GABPB1: variants seen among roughly 807,000 people sequenced by gnomAD.
GABPB1 encodes the protein GA binding protein transcription factor subunit beta 1, also known as GA-binding protein subunit beta-1.
In GABPB1, 15 loss-of-function variants were observed where a neutral mutation model predicts 45.9. That is an observed-to-expected ratio of 0.33 (90% confidence interval 0.22 to 0.50). The LOEUF (loss-of-function observed/expected upper bound fraction) is 0.50. Ranked by LOEUF, GABPB1 falls within the 20% of genes least tolerant of loss-of-function variation. The probability of loss-of-function intolerance (pLI) is 0.98; values close to 1 mark genes in which losing one functional copy is unlikely to be tolerated. For synonymous variants in GABPB1, 143 were observed against 154.4 expected (o/e 0.93, Z 0.55); for missense variants, 252 against 457.5 (o/e 0.55, Z 4.10).
Position 50,277,679 on chromosome 15 carries a change from A to C in GABPB1, c.*953T>G, listed in dbSNP as rs2045862301. On this transcript the variant is annotated 3_prime_UTR_variant, in exon 9 of 9. Transcript: ENST00000380877. ...GAGAAATAAGTCCATAAAATATTTCAGAAACCCATATGCATTGGGTTTTCC... is the reference window on the plus strand; with the variant it reads ...GAGAAATAAGTCCATAAAATATTTCCGAAACCCATATGCATTGGGTTTTCC... The C allele has an allele frequency of 6.6e-6, 1 of 152,666 alleles. No individual in the cohort carries two copies. The highest frequency in any genetic ancestry group is 2.4e-5 in the African/African-American group (1 of 41,472). The allele number at this position is 152,666 out of a possible 1,614,324, so 9.5% of individuals were successfully genotyped here.
At chr15:50,341,464 T>C (rs937736320) in intron 1 of GABPB1, among the ~76,000 whole-genome samples, 41 of 150,930 alleles carry the variant, frequency 2.7e-4, no homozygotes, top group African/African-American at 9.8e-4. Context: ...ACCTGGGAGG[T>C]GAAGGTTGCA....
intron 8 of GABPB1, among the ~76,000 whole-genome samples, chr15:50,280,748 AAAAAAAG>A (rs1366767652): frequency 1.3e-5 from 2 of 152,176 alleles, no homozygotes; most frequent in Admixed American, 1.3e-4. Flanking sequence ...TCAAAAGAAA[AAAAAAAG>A]AAAAAAGAGA....
chr15:50,286,920 G>A (rs1387411101), intron 7 of GABPB1, among the ~76,000 whole-genome samples: 1 of 152,066 alleles, frequency 6.6e-6, no homozygotes, highest in South Asian at 2.1e-4. Flanking sequence ...TCACAATGGG[G>A]AAAATTATAA....
At chr15:50,348,441 G>A (rs1368728559) in intron 1 of GABPB1, among the ~76,000 whole-genome samples, 4 of 152,022 alleles carry the variant, frequency 2.6e-5, no homozygotes, top group African/African-American at 9.7e-5. Context: ...AGTAGGGACG[G>A]CGTTTCACCA....
chr15:50,348,443 G>A (rs1189479828), intron 1 of GABPB1, among the ~76,000 whole-genome samples: 2 of 151,920 alleles, frequency 1.3e-5, no homozygotes, highest in African/African-American at 4.8e-5. Flanking sequence ...TAGGGACGGC[G>A]TTTCACCATG....
At chr15:50,330,367 T>C (rs879836880) in intron 1 of GABPB1, among the ~76,000 whole-genome samples, 10 of 152,218 alleles carry the variant, frequency 6.6e-5, no homozygotes, top group Non-Finnish European at 1.3e-4. Context: ...TACCATTGTA[T>C]ACTTTTAATT....
At chr15:50,292,842 GTA>G (rs1306261161) in intron 6 of GABPB1, among the ~76,000 whole-genome samples, 11 of 117,406 alleles carry the variant, frequency 9.4e-5, no homozygotes, top group African/African-American at 3.9e-4. Context: ...ATAAAAGTGT[GTA>G]TATGTGTGTG....
intron 7 of GABPB1, among the ~76,000 whole-genome samples, chr15:50,288,160 T>G (rs2046228935): frequency 6.6e-6 from 1 of 152,184 alleles, no homozygotes; most frequent in African/African-American, 2.4e-5. Flanking sequence ...CAAGCGATCT[T>G]CCTGCCTCAG....
At chr15:50,287,205 G>C (rs369525559) in intron 7 of GABPB1, among the ~76,000 whole-genome samples, 11 of 152,118 alleles carry the variant, frequency 7.2e-5, no homozygotes, top group East Asian at 5.8e-4. Flanking sequence ...ATTCAGGAAG[G>C]CTTTAGAAGT....
At chr15:50,354,316 T>G (rs1259021689) in intron 1 of GABPB1, 1 of 447,364 alleles carries the variant, frequency 2.2e-6, no homozygotes, top group Non-Finnish European at 4.5e-6. Flanking sequence ...CCCTCAGGAC[T>G]CCAGTCCCCG....
intron 1 of GABPB1, among the ~76,000 whole-genome samples, chr15:50,314,937 A>C (rs2047263827): frequency 6.6e-6 from 1 of 152,242 alleles, no homozygotes; most frequent in Non-Finnish European, 1.5e-5. Flanking sequence ...TTGTCCAGCT[A>C]TCACATTCAC....
chr15:50,289,435 A>AT (rs760183839), intron 7 of GABPB1, 48 bp downstream of exon 7: 37 of 1,135,224 alleles, frequency 3.3e-5, no homozygotes, highest in Middle Eastern at 2.3e-4. Flanking sequence ...GAAAATAAAA[A>AT]TTAAAAAAAA....
intron 1 of GABPB1, among the ~76,000 whole-genome samples, chr15:50,324,846 C>T (rs1002471867): frequency 6.6e-6 from 1 of 152,030 alleles, no homozygotes; most frequent in African/African-American, 2.4e-5. Flanking sequence ...CCCGCCTGGC[C>T]TCTGTAGTTC....
At chr15:50,319,044 G>A (rs1452544616) in intron 1 of GABPB1, among the ~76,000 whole-genome samples, 1 of 152,172 alleles carries the variant, frequency 6.6e-6, no homozygotes, top group Admixed American at 6.5e-5. Context: ...GCTTAAAACA[G>A]CTGAAGCCTC....
At chr15:50,289,180 TTTAAGC>T (rs2046262770) in intron 7 of GABPB1, among the ~76,000 whole-genome samples, 2 of 152,290 alleles carry the variant, frequency 1.3e-5, no homozygotes, top group African/African-American at 4.8e-5. Flanking sequence ...TGTGTTGACA[TTTAAGC>T]TCATTTTTCA....
intron 6 of GABPB1, among the ~76,000 whole-genome samples, chr15:50,292,825 T>C (rs933571581): frequency 6.8e-6 from 1 of 147,802 alleles, no homozygotes; most frequent in African/African-American, 2.6e-5. Flanking sequence ...TCATATAACT[T>C]AGCAAAATAA....
intron 1 of GABPB1, among the ~76,000 whole-genome samples, chr15:50,332,876 T>C (rs2047994268): frequency 6.6e-6 from 1 of 152,160 alleles, no homozygotes; most frequent in Admixed American, 6.5e-5. Flanking sequence ...ATGCAATCCA[T>C]ATTCATTTTC....
Position 50,310,340 on chromosome 15 carries a change from G to A in GABPB1, c.1-542C>T, listed in dbSNP as rs1037117191. On this transcript the variant is annotated intron_variant, in intron 1 of 8. Transcript: ENST00000380877. ...ACTCCTGACCTCAAATGATCTGCCC[G>A]CCTTGGCCTCCCAAAGTGATGGGAT... Among the ~76,000 whole-genome samples, 8 of 152,184 alleles carry A rather than the reference G, an allele frequency of 5.3e-5. No homozygotes were observed. The South Asian group carries it at 1.0e-3, about 20-fold the overall frequency.
At chr15:50,279,627 C>T (rs1199318349) in intron 8 of GABPB1, among the ~76,000 whole-genome samples, 7 of 152,312 alleles carry the variant, frequency 4.6e-5, no homozygotes, top group African/African-American at 1.7e-4. Flanking sequence ...CAAGGAGAAA[C>T]ATTTCAACGA....
Sources: gnomAD v4.1 joint callset for allele counts (sites outside exome capture counted in the v4.1 genomes callset) on GRCh38, gnomAD v4.1.1 for gene constraint, MANE v1.5 for transcripts, NCBI Gene and HGNC (gene_info 2026-07-23, HGNC 2026-07-21) for gene names.